Variants in TPI1 observed in about 807,000 individuals in gnomAD.
TPI1 encodes triosephosphate isomerase.
A neutral mutation model predicts 31.0 loss-of-function variants in TPI1; 11 were observed. That is an observed-to-expected ratio of 0.36 (90% CI 0.22 to 0.59). The LOEUF (loss-of-function observed/expected upper bound fraction) is 0.59, where lower values mean the gene tolerates loss of function less well. Ranked by LOEUF, TPI1 falls within the 20% of genes least tolerant of loss-of-function variation. TPI1 has a pLI of 0.79. For missense variants in TPI1, 245 were observed against 319.7 expected, an observed-to-expected ratio of 0.77 and a Z score of 1.78; for synonymous variants, 121 against 122.8, an observed-to-expected ratio of 0.99 and a Z score of 0.10.
chr12:6,868,554 A>G lies in TPI1; in HGVS notation c.116-310A>G, dbSNP rs1260971297. 8.5e-6 allele frequency: 11 copies of G among 1,298,026 alleles called. No individual in the cohort carries two copies. In the African/African-American group the frequency reaches 1.2e-4, roughly 14 times the overall value. 80.4% of individuals were successfully genotyped at this position (1,298,026 alleles called of 1,614,324 possible). ...GAAGGGAAGCAGGGTTGCTCCCTGGAGAATGCTGAGTCTGTGAGGTGCCTA... is the reference window on the plus strand; with the variant it reads ...GAAGGGAAGCAGGGTTGCTCCCTGGGGAATGCTGAGTCTGTGAGGTGCCTA... On this transcript the variant is annotated intron_variant, in intron 1 of 6. Coordinates refer to ENST00000396705, the MANE Select transcript of TPI1 (RefSeq NM_000365.6).
rs1555132868 is a variant in TPI1, at chr12:6,870,662, G to T, written c.*279G>T. 1.6e-6 allele frequency: 1 copy of T among 626,872 alleles called. No individual in the cohort carries two copies. The highest frequency in any genetic ancestry group is 3.0e-6 in the Non-Finnish European group (1 of 330,804). 38.8% of individuals were successfully genotyped at this position (626,872 alleles called of 1,614,324 possible). A position where few individuals can be genotyped will look rare whatever the true frequency, so the allele number is the denominator to read the frequency against. On this transcript the variant is annotated 3_prime_UTR_variant, in exon 7 of 7. Coordinates refer to ENST00000396705, the MANE Select transcript of TPI1 (RefSeq NM_000365.6). Reference sequence around the variant, plus strand: ...GAAGGCGTGGTGGGATTTGCTCCTGGGTTCCCTAGGCCCTAGTGAGGGCAG... The same window carrying T: ...GAAGGCGTGGTGGGATTTGCTCCTGTGTTCCCTAGGCCCTAGTGAGGGCAG...
chr12:6,868,891 A>T lies in TPI1; in HGVS notation c.143A>T (p.Tyr48Phe). 1 of 1,613,784 alleles carries T rather than the reference A, an allele frequency of 6.2e-7. No individual in the cohort carries two copies. The highest frequency in any genetic ancestry group is 8.5e-7 in the Non-Finnish European group (1 of 1,179,906). Residue 48 changes from tyrosine to phenylalanine, a missense_variant, in exon 2 of 7, where the codon TAT becomes TTT. Physicochemically the swap from Tyr to Phe is conservative, Grantham distance 22. Coordinates refer to ENST00000396705, the MANE Select transcript of TPI1 (RefSeq NM_000365.6). ...TEVVCAPPTA[Y>F]IDFARQKLDP... ...GTGGTTTGTGCTCCCCCTACTGCCT[A>T]TATCGACTTCGCCCGGCAGAAGCTA...
At position 6,869,179 on chromosome 12, in the gene TPI1, A is replaced by G; in HGVS notation, c.320A>G (p.Asp107Gly). The change falls in exon 3 of 7, where the codon GAT becomes GGT. Residue 107 changes from aspartate (D) to glycine (G), a missense_variant. Asp to Gly is a moderately conservative substitution (Grantham distance 94, BLOSUM62 -1). Transcript: ENST00000396705. ...AGAAGGCATGTCTTTGGGGAGTCAG[A>G]TGAGGTTAGTAGCCAAGAGAGAAGA... Reference protein sequence around the residue: ...SERRHVFGESDELIGQKVAHA... With the variant: ...SERRHVFGESGELIGQKVAHA... 6.2e-7 allele frequency: 1 copy of G among 1,614,184 alleles called. No homozygotes were observed. Among genetic ancestry groups the G allele is most frequent in the Non-Finnish European group, 8.5e-7 (1 of 1,180,020 alleles).
rs782276616 is a variant in TPI1 at position 6,870,426 on chromosome 12, AAGC to A, written c.*47_*49del. ...TACCCTTCCTGCCAAGCCAGGGACT[AAGC>A]AGCCCAGAAGCCCAGTAACTGCCCT... On this transcript the variant is annotated 3_prime_UTR_variant, in exon 7 of 7. Transcript: ENST00000396705. 4 of 1,481,470 alleles carry A rather than the reference AAGC, an allele frequency of 2.7e-6. No homozygotes were observed. The highest frequency in any genetic ancestry group is 1.4e-5 in the African/African-American group (1 of 72,300). The allele number at this position is 1,481,470 out of a possible 1,614,324, so 91.8% of individuals were successfully genotyped here.
chr12:6,870,025 A>T (rs1944551962), intron 5 of TPI1, 24 bp from the exon 6 acceptor site: 1 of 1,613,778 alleles, frequency 6.2e-7, no homozygotes, highest in Non-Finnish European at 8.5e-7. Flanking sequence ...AAAAGGTCTT[A>T]CTTAGGCCAG....
Position 6,869,344 on chromosome 12 carries a change from T to A in TPI1, c.411T>A (p.Ala137=). 6.2e-7 allele frequency: 1 copy of A among 1,614,112 alleles called. No homozygotes were observed. The highest frequency in any genetic ancestry group is 8.5e-7 in the Non-Finnish European group (1 of 1,179,992). The change falls in exon 4 of 7, where the codon GCT becomes GCA. Residue 137 remains alanine (A), a synonymous_variant. Coordinates refer to ENST00000396705, the MANE Select transcript of TPI1 (RefSeq NM_000365.6). The part of the protein sequence containing the change: ...CIGEKLDERE[A]GITEKVVFEQ... ...GGGAGAAGCTAGATGAAAGGGAAGC[T>A]GGCATCACTGAGAAGGTTGTTTTCG...
rs782016331 is a variant in TPI1, at chr12:6,870,639, A to C, written c.*256A>C. 4.9e-5 allele frequency: 32 copies of C among 657,018 alleles called. No individual in the cohort carries two copies. The highest frequency in any genetic ancestry group is 8.3e-5 in the Non-Finnish European group (29 of 349,584). The allele number at this position is 657,018 out of a possible 1,614,324, so 40.7% of individuals were successfully genotyped here. ...GGCTTCTCCTTGGCTGAGAGATGGAAGGCGTGGTGGGATTTGCTCCTGGGT... is the reference window on the plus strand; with the variant it reads ...GGCTTCTCCTTGGCTGAGAGATGGACGGCGTGGTGGGATTTGCTCCTGGGT... On this transcript the variant is annotated 3_prime_UTR_variant, in exon 7 of 7. Transcript: ENST00000396705.
At position 6,867,587 on chromosome 12, in the gene TPI1, C is replaced by T. The variant is rs750321511; in HGVS notation, c.21C>T (p.Phe7=). The T allele has an allele frequency of 6.8e-6, 11 of 1,612,974 alleles. No homozygotes were observed. Among genetic ancestry groups the T allele is most frequent in the Non-Finnish European group, 8.5e-6 (10 of 1,179,744 alleles). MAPSRK[F]FVGGNWKMNG... ...GCGCCATGGCGCCCTCCAGGAAGTT[C>T]TTCGTTGGGGGAAACTGGAAGATGA... Residue 7 remains phenylalanine, a synonymous_variant, in exon 1 of 7, where the codon TTC becomes TTT. Transcript: ENST00000396705.
intron 1 of TPI1, chr12:6,868,003 C>G: frequency 8.8e-7 from 1 of 1,141,664 alleles, no homozygotes; most frequent in Non-Finnish European, 1.1e-6. Flanking sequence ...GAGCGGAGCC[C>G]GAGGCTCTGC....
chr12:6,867,502 A>T, upstream of TPI1: 1 of 1,575,366 alleles, frequency 6.3e-7, no homozygotes, highest in Non-Finnish European at 8.6e-7. Flanking sequence ...GCGGCGCTCT[A>T]TATAAGTGGG....
chr12:6,870,014 G>A, intron 5 of TPI1, 35 bp from the exon 6 acceptor site: 1 of 1,611,854 alleles, frequency 6.2e-7, no homozygotes. Flanking sequence ...TAGAGAGGCA[G>A]AAAAGGTCTT....
chr12:6,868,281 C>G, intron 1 of TPI1: 2 of 1,287,616 alleles, frequency 1.6e-6, no homozygotes, highest in South Asian at 1.2e-5. Context: ...ACCGCTTTCC[C>G]CAACCTGGAA....
chr12:6,867,998 G>A lies in TPI1; in HGVS notation c.115+317G>A, dbSNP rs1555131704. On this transcript the variant is annotated intron_variant, in intron 1 of 6. Coordinates refer to ENST00000396705, the MANE Select transcript of TPI1 (RefSeq NM_000365.6). ...CCGCCAGGCGACGGGGTTAGGAGCG[G>A]AGCCCGAGGCTCTGCGGGAGACCGG... is the stretch of plus-strand genomic sequence containing the variant. 4.5e-6 allele frequency: 5 copies of A among 1,119,436 alleles called. No homozygotes were observed. The African/African-American group carries it at 6.8e-5, about 15-fold the overall frequency. The allele number at this position is 1,119,436 out of a possible 1,614,324, so 69.3% of individuals were successfully genotyped here.
chr12:6,869,553 C>T lies in TPI1; in HGVS notation c.458-135C>T, dbSNP rs1944537755. ...TTGGGGCCTATGACTTCTCCAGCCC[C>T]AAGGTAGATGCCACCTGGAAATCCC... On this transcript the variant is annotated intron_variant, in intron 4 of 6. Coordinates refer to ENST00000396705, the MANE Select transcript of TPI1 (RefSeq NM_000365.6). The T allele has an allele frequency of 3.4e-6, 5 of 1,466,784 alleles. No homozygotes were observed. In the African/African-American group the frequency reaches 7.0e-5, roughly 20 times the overall value. 90.9% of individuals were successfully genotyped at this position (1,466,784 alleles called of 1,614,324 possible).
Position 6,869,791 on chromosome 12 carries a change from C to CCA in TPI1, c.543+19_543+20insAC. 6.2e-7 allele frequency: 1 copy of CCA among 1,613,688 alleles called. No homozygotes were observed. Among genetic ancestry groups the CCA allele is most frequent in the Non-Finnish European group, 8.5e-7 (1 of 1,179,628 alleles). ...CCCAACAGGTAACCGGGCCCAGGAG[C>CCA]CCTGCCCTCATCCCAGCCTGCCTCA... is the stretch of plus-strand genomic sequence containing the variant. On this transcript the variant is annotated intron_variant, in intron 5 of 6. Coordinates refer to ENST00000396705, the MANE Select transcript of TPI1 (RefSeq NM_000365.6).
chr12:6,869,804 C>T lies in TPI1; in HGVS notation c.543+31C>T, dbSNP rs1442950886. On this transcript the variant is annotated intron_variant, in intron 5 of 6. Coordinates refer to ENST00000396705, the MANE Select transcript of TPI1 (RefSeq NM_000365.6). ...CGGGCCCAGGAGCCCTGCCCTCATCCCAGCCTGCCTCAATAGGTTTGGACA... is the reference window on the plus strand; with the variant it reads ...CGGGCCCAGGAGCCCTGCCCTCATCTCAGCCTGCCTCAATAGGTTTGGACA... The T allele has an allele frequency of 2.5e-6, 4 of 1,610,980 alleles. No homozygotes were observed. The Admixed American group carries it at 5.0e-5, about 20-fold the overall frequency.
At chr12:6,868,271 A>ACTTT (rs1944504635) in intron 1 of TPI1, 1 of 1,287,396 alleles carries the variant, frequency 7.8e-7, no homozygotes, top group African/African-American at 1.5e-5. Flanking sequence ...GAGCCATCCT[A>ACTTT]CCGCTTTCCC....
upstream of TPI1, chr12:6,867,513 C>G (rs782584234): frequency 8.8e-6 from 14 of 1,586,792 alleles, no homozygotes; most frequent in Non-Finnish European, 1.2e-5. Context: ...TATAAGTGGG[C>G]AGTGGCCGCG....
rs1555133013 is a variant in TPI1, at chr12:6,870,842, C to T, written c.*459C>T. 5.5e-6 allele frequency: 3 copies of T among 542,876 alleles called. No individual in the cohort carries two copies. Among genetic ancestry groups the T allele is most frequent in the South Asian group, 4.6e-5 (3 of 65,274 alleles). The allele number at this position is 542,876 out of a possible 1,614,324, so 33.6% of individuals were successfully genotyped here. On this transcript the variant is annotated 3_prime_UTR_variant, in exon 7 of 7. Transcript: ENST00000396705. ...CCTGGCACTAGGTCTTGTGGTTTGT[C>T]TGCCTTCACTGGACTTGCCCAGATA...
Sources: allele counts gnomAD v4.1 joint callset, GRCh38; gene constraint gnomAD v4.1.1; transcripts MANE v1.5; gene names NCBI Gene and HGNC (gene_info 2026-07-23, HGNC 2026-07-21).